ROBO1: variants seen among roughly 807,000 people sequenced by gnomAD.
ROBO1 encodes roundabout homolog 1.
ROBO1 carries 149 observed loss-of-function variants against 195.9 expected under a neutral mutation model. That is an observed-to-expected ratio of 0.76 (90% CI 0.67 to 0.87). The LOEUF (loss-of-function observed/expected upper bound fraction) is 0.87. Ranked by LOEUF, ROBO1 falls within the 40% of genes least tolerant of loss-of-function variation. The pLI, the probability that ROBO1 is intolerant of heterozygous loss-of-function variation, is 0.00. For synonymous variants in ROBO1, 816 were observed against 733.2 expected (o/e 1.11, Z -1.82); for missense variants, 1,933 against 2,068.3 (o/e 0.93, Z 1.27).
intron 3 of ROBO1, among the ~76,000 whole-genome samples, chr3:79,010,857 A>C (rs1306154965): frequency 6.6e-6 from 1 of 152,170 alleles, no homozygotes; most frequent in Non-Finnish European, 1.5e-5. Flanking sequence ...AGATATCTGA[A>C]TGAAAGCTTT....
At chr3:79,263,249 G>A (rs2082973058) in intron 2 of ROBO1, among the ~76,000 whole-genome samples, 1 of 152,004 alleles carries the variant, frequency 6.6e-6, no homozygotes, top group Non-Finnish European at 1.5e-5. Context: ...ACTAACCTAT[G>A]TACTCATTTA....
At chr3:78,920,089 G>A (rs762412245) in intron 4 of ROBO1, among the ~76,000 whole-genome samples, 1 of 152,100 alleles carries the variant, frequency 6.6e-6, no homozygotes, top group African/African-American at 2.4e-5. Flanking sequence ...TAAAAACTGC[G>A]TATTTTGCAA....
intron 1 of ROBO1, among the ~76,000 whole-genome samples, chr3:79,624,771 T>C (rs1327770350): frequency 6.6e-6 from 1 of 152,086 alleles, no homozygotes; most frequent in Non-Finnish European, 1.5e-5. Context: ...CACCCCACTG[T>C]CTGTATTAGA....
At position 79,498,005 on chromosome 3, in the gene ROBO1, G is replaced by A. The variant is rs573473918; in HGVS notation, c.88+91819C>T. On this transcript the variant is annotated intron_variant, in intron 2 of 30. Transcript: ENST00000464233. ...ATTTTATTTGCTTCGAATTTTTGCT[G>A]AGCAATGTTACCTAACCTGATTGTA... 3.3e-3 allele frequency among the ~76,000 whole-genome samples: 442 copies of A among 135,940 alleles called. 1 individual carries two copies. Among genetic ancestry groups the A allele is most frequent in the Non-Finnish European group, 5.6e-3 (335 of 59,394 alleles). The allele number at this position is 135,940 out of a possible 152,430, so 89.2% of individuals were successfully genotyped here.
At chr3:79,330,003 C>A (rs964039324) in intron 2 of ROBO1, among the ~76,000 whole-genome samples, 3 of 151,920 alleles carry the variant, frequency 2.0e-5, no homozygotes, top group Admixed American at 2.0e-4. Flanking sequence ...AGCCACATTT[C>A]AATAACCTTA....
intron 2 of ROBO1, among the ~76,000 whole-genome samples, chr3:79,506,714 A>T (rs1940419147): frequency 6.6e-6 from 1 of 152,214 alleles, no homozygotes; most frequent in African/African-American, 2.4e-5. Context: ...AAGTGCTGGG[A>T]TTACAGGCGT....
At chr3:79,134,366 A>G (rs2080357533) in intron 2 of ROBO1, among the ~76,000 whole-genome samples, 1 of 107,462 alleles carries the variant, frequency 9.3e-6, no homozygotes, top group Non-Finnish European at 1.8e-5. Context: ...TAGAATGGCA[A>G]TCATTAAAAA....
chr3:79,108,854 A>ACATCTT lies in ROBO1; in HGVS notation c.172+16601_172+16602insAAGATG, dbSNP rs527772158. ...GTGCATCTCCACCAGTTCTTTTTAA[A>ACATCTT]TTGAAAACATCTAAATTGCATTTGA... On this transcript the variant is annotated intron_variant, in intron 3 of 30. Coordinates refer to ENST00000464233, the MANE Select transcript of ROBO1 (RefSeq NM_002941.4). 6.7e-3 allele frequency among the ~76,000 whole-genome samples: 1,020 copies of ACATCTT among 152,064 alleles called. 13 individuals carry two copies. Among genetic ancestry groups the ACATCTT allele is most frequent in the African/African-American group, 0.024 (977 of 41,538 alleles).
Position 78,651,874 on chromosome 3 carries a change from A to T in ROBO1, c.2670T>A (p.Ile890=), listed in dbSNP as rs1376124238. 6.2e-7 allele frequency: 1 copy of T among 1,613,594 alleles called. No homozygotes were observed. The highest frequency in any genetic ancestry group is 1.3e-5 in the African/African-American group (1 of 74,874). ...PEDQVSLAQQ[I]SDVVKQPAFI... ...AGGCCGGCTGCTTCACCACATCTGA[A>T]ATCTGCTGAGCGAGGCTGACTTGGT... Residue 890 remains isoleucine (I), a synonymous_variant, in exon 19 of 31, where the codon ATT becomes ATA. Coordinates refer to ENST00000464233, the MANE Select transcript of ROBO1 (RefSeq NM_002941.4).
intron 4 of ROBO1, among the ~76,000 whole-genome samples, chr3:78,819,235 C>T (rs773679442): frequency 2.0e-5 from 3 of 151,930 alleles, no homozygotes; most frequent in Non-Finnish European, 2.9e-5. Flanking sequence ...GATGCACATA[C>T]GATTCTAATT....
At chr3:79,450,228 G>T (rs2039397033) in intron 2 of ROBO1, among the ~76,000 whole-genome samples, 1 of 151,842 alleles carries the variant, frequency 6.6e-6, no homozygotes, top group Non-Finnish European at 1.5e-5. Context: ...ACTGATGAAA[G>T]AGTCAAATTC....
intron 2 of ROBO1, among the ~76,000 whole-genome samples, chr3:79,574,058 G>C (rs909011357): frequency 6.6e-6 from 1 of 152,022 alleles, no homozygotes; most frequent in Non-Finnish European, 1.5e-5. Context: ...TCAAAGAATT[G>C]TACAATGAAT....
At chr3:78,760,061 T>A (rs1231399768) in intron 4 of ROBO1, among the ~76,000 whole-genome samples, 1 of 152,126 alleles carries the variant, frequency 6.6e-6, no homozygotes, top group Non-Finnish European at 1.5e-5. Flanking sequence ...GCTGTTCTCA[T>A]GGTAGTGAAA....
chr3:79,406,408 G>A (rs544400265), intron 2 of ROBO1, among the ~76,000 whole-genome samples: 9 of 150,440 alleles, frequency 6.0e-5, no homozygotes, highest in Non-Finnish European at 8.9e-5. Flanking sequence ...CCCAGACTGG[G>A]TGGCAGAGAG....
At chr3:79,150,203 T>C in intron 2 of ROBO1, among the ~76,000 whole-genome samples, 1 of 151,788 alleles carries the variant, frequency 6.6e-6, no homozygotes, top group East Asian at 1.9e-4. Context: ...GTGGTTTGCC[T>C]TGTGACCTCA....
In ROBO1 at chr3:78,717,075, C is replaced by T. The variant is rs185746878; in HGVS notation, c.917+200G>A. ...GGGTTCCCTCTGCAGCCCAGGGTCA[C>T]GAATGCACAGTTCTTCTCTGAAAGC... On this transcript the variant is annotated intron_variant, in intron 7 of 30. Transcript: ENST00000464233. 1.4e-4 allele frequency among the ~76,000 whole-genome samples: 22 copies of T among 152,182 alleles called. No homozygotes were observed. In the East Asian group the frequency reaches 3.7e-3, roughly 25 times the overall value.
At chr3:78,801,742 C>T (rs1463031394) in intron 4 of ROBO1, among the ~76,000 whole-genome samples, 1 of 151,876 alleles carries the variant, frequency 6.6e-6, no homozygotes, top group Non-Finnish European at 1.5e-5. Context: ...TATTTTCATA[C>T]GATTATAACA....
At chr3:79,103,512 A>C (rs2079717298) in intron 3 of ROBO1, among the ~76,000 whole-genome samples, 1 of 151,788 alleles carries the variant, frequency 6.6e-6, no homozygotes, top group South Asian at 2.1e-4. Flanking sequence ...TTGAGTAAGC[A>C]GTTTACAAGA....
At chr3:79,369,444 T>C (rs535270084) in intron 2 of ROBO1, among the ~76,000 whole-genome samples, 12 of 152,364 alleles carry the variant, frequency 7.9e-5, no homozygotes, top group African/African-American at 2.4e-4. Flanking sequence ...AACTACACTC[T>C]TGTTCTAACC....
Sources: allele counts gnomAD v4.1 joint callset (sites outside exome capture counted in the v4.1 genomes callset), GRCh38; gene constraint gnomAD v4.1.1; transcripts MANE v1.5; gene names NCBI Gene and HGNC (gene_info 2026-07-23, HGNC 2026-07-21).